PRKG1: variants seen among roughly 807,000 people sequenced by gnomAD.
PRKG1 encodes cGMP-dependent protein kinase 1.
In PRKG1, 35 loss-of-function variants were observed where a neutral mutation model predicts 88.1. The observed-to-expected ratio is 0.40, with a 90% CI of 0.30 to 0.53. The LOEUF is 0.53. Ranked by LOEUF, PRKG1 falls within the 20% of genes least tolerant of loss-of-function variation. The pLI is 0.59. For missense variants in PRKG1, 540 were observed against 839.8 expected, an observed-to-expected ratio of 0.64 and a Z score of 4.41; for synonymous variants, 303 against 292.5, an observed-to-expected ratio of 1.04 and a Z score of -0.37.
intron 12 of PRKG1, 50 bp downstream of exon 12, chr10:52,272,531 G>T: frequency 2.3e-6 from 3 of 1,306,866 alleles, no homozygotes; most frequent in South Asian, 1.2e-5. Flanking sequence ...AGTTGCCCAT[G>T]TTGGTCTATA....
chr10:51,701,410 C>G (rs989490166), intron 3 of PRKG1, among the ~76,000 whole-genome samples: 6 of 152,160 alleles, frequency 3.9e-5, no homozygotes, highest in African/African-American at 1.2e-4. Flanking sequence ...GTTTTTGAAA[C>G]AGTTCTGCAC....
At chr10:51,823,127 T>C (rs1210760920) in intron 4 of PRKG1, among the ~76,000 whole-genome samples, 8 of 152,110 alleles carry the variant, frequency 5.3e-5, no homozygotes, top group African/African-American at 1.9e-4. Flanking sequence ...CTATTTAACA[T>C]GGTAAATGTA....
intron 1 of PRKG1, among the ~76,000 whole-genome samples, chr10:51,118,098 C>T (rs1267469601): frequency 1.3e-5 from 2 of 152,122 alleles, no homozygotes; most frequent in African/African-American, 4.8e-5. Context: ...TCCTTCCTAA[C>T]CCTGAGAGTC....
At chr10:51,976,472 C>T (rs865990622) in intron 5 of PRKG1, among the ~76,000 whole-genome samples, 2 of 151,810 alleles carry the variant, frequency 1.3e-5, no homozygotes, top group African/African-American at 4.8e-5. Context: ...ACCTTAAAAA[C>T]AATGTGCTAA....
intron 3 of PRKG1, among the ~76,000 whole-genome samples, chr10:51,708,827 C>T (rs1036577357): frequency 3.9e-5 from 6 of 152,142 alleles, no homozygotes; most frequent in African/African-American, 1.2e-4. Flanking sequence ...ACCTCCTTTA[C>T]CTTCCAGGTC....
chr10:51,861,329 C>T (rs1188095195), intron 4 of PRKG1, among the ~76,000 whole-genome samples: 1 of 152,180 alleles, frequency 6.6e-6, no homozygotes, highest in Non-Finnish European at 1.5e-5. Flanking sequence ...AGTTGGATCA[C>T]AGATGTTATA....
chr10:51,126,237 TTATATATTTATAATTATTTATA>T (rs1458200997), intron 1 of PRKG1, among the ~76,000 whole-genome samples: 2 of 121,236 alleles, frequency 1.6e-5, no homozygotes, highest in Admixed American at 9.1e-5. Flanking sequence ...ATATTTATAA[TTATATATTTATAATTATTTATA>T]TATTTATTTA....
chr10:51,706,893 C>T lies in PRKG1; in HGVS notation c.593-97692C>T, dbSNP rs186686592. Among the ~76,000 whole-genome samples the T allele has an allele frequency of 2.5e-3, 373 of 151,940 alleles. 2 individuals are homozygous for T. The highest frequency in any genetic ancestry group is 8.3e-3 in the African/African-American group (342 of 41,412). On this transcript the variant is annotated intron_variant, in intron 3 of 17. Coordinates refer to ENST00000373980, the MANE Select transcript of PRKG1 (RefSeq NM_006258.4). ...TTTATTATTCCTTACATTGTATGGTCATTATTAATCTACATTGGTTATCTA... is the reference window on the plus strand; with the variant it reads ...TTTATTATTCCTTACATTGTATGGTTATTATTAATCTACATTGGTTATCTA...
At chr10:51,291,663 C>G (rs1435818121) in intron 2 of PRKG1, among the ~76,000 whole-genome samples, 2 of 152,092 alleles carry the variant, frequency 1.3e-5, no homozygotes, top group Non-Finnish European at 2.9e-5. Flanking sequence ...GGGTGCCCCC[C>G]TTAAAAGAAA....
intron 2 of PRKG1, among the ~76,000 whole-genome samples, chr10:51,395,472 C>G (rs1837550648): frequency 1.3e-5 from 2 of 151,862 alleles, no homozygotes; most frequent in Admixed American, 6.6e-5. Context: ...AGAATCAAAC[C>G]CAGAGGTAAA....
chr10:51,826,712 G>A (rs1413079007), intron 4 of PRKG1, among the ~76,000 whole-genome samples: 1 of 152,146 alleles, frequency 6.6e-6, no homozygotes, highest in Non-Finnish European at 1.5e-5. Flanking sequence ...GAGAGCCAGA[G>A]TTCTCATTCC....
chr10:51,156,736 C>T (rs1846225007), intron 2 of PRKG1, among the ~76,000 whole-genome samples: 1 of 151,944 alleles, frequency 6.6e-6, no homozygotes, highest in Non-Finnish European at 1.5e-5. Flanking sequence ...ATTTAAAAAA[C>T]GATCATTTAA....
At chr10:52,128,610 A>G in intron 7 of PRKG1, 1 of 977,388 alleles carries the variant, frequency 1.0e-6, no homozygotes, top group Non-Finnish European at 1.2e-6. Flanking sequence ...TTTCACTGAA[A>G]GGAATTTCTA....
At chr10:51,781,497 G>A (rs571546279) in intron 3 of PRKG1, among the ~76,000 whole-genome samples, 62 of 152,226 alleles carry the variant, frequency 4.1e-4, no homozygotes, top group South Asian at 3.1e-3. Context: ...TCACTGTGCC[G>A]ACATTTGGAA....
At chr10:52,197,850 C>T (rs990634099) in intron 9 of PRKG1, among the ~76,000 whole-genome samples, 2 of 152,120 alleles carry the variant, frequency 1.3e-5, no homozygotes, top group African/African-American at 4.8e-5. Flanking sequence ...AGTACAAGTA[C>T]AAAACTTCTT....
intron 2 of PRKG1, among the ~76,000 whole-genome samples, chr10:51,436,620 A>T (rs1032991992): frequency 1.3e-5 from 2 of 152,020 alleles, no homozygotes; most frequent in Non-Finnish European, 2.9e-5. Context: ...GAGCACACTA[A>T]TCTCAAGGCA....
intron 1 of PRKG1, among the ~76,000 whole-genome samples, chr10:51,018,690 T>G (rs904828578): frequency 6.6e-6 from 1 of 152,200 alleles, no homozygotes; most frequent in Non-Finnish European, 1.5e-5. Flanking sequence ...TGAATATGTT[T>G]TTTAAAAGTT....
At chr10:51,186,649 T>C (rs1396346687) in intron 2 of PRKG1, among the ~76,000 whole-genome samples, 2 of 151,958 alleles carry the variant, frequency 1.3e-5, no homozygotes, top group Non-Finnish European at 2.9e-5. Flanking sequence ...ACAGTGCTTC[T>C]ACAAATGTGC....
chr10:52,088,668 C>T (rs182294470), intron 7 of PRKG1, among the ~76,000 whole-genome samples: 3 of 152,312 alleles, frequency 2.0e-5, no homozygotes, highest in African/African-American at 7.2e-5. Context: ...AGACACTGAA[C>T]TTGCCAGCAC....
Sources: gnomAD v4.1 joint callset for allele counts (sites outside exome capture counted in the v4.1 genomes callset) on GRCh38, gnomAD v4.1.1 for gene constraint, MANE v1.5 for transcripts, NCBI Gene and HGNC (gene_info 2026-07-23, HGNC 2026-07-21) for gene names.